The following ANKS1B variants were observed in gnomAD, a reference collection of about 807,000 sequenced individuals.
ANKS1B encodes the protein ankyrin repeat and sterile alpha motif domain containing 1B, also known as ankyrin repeat and sterile alpha motif domain-containing protein 1B.
Under a neutral mutation model 148.3 loss-of-function variants are expected in ANKS1B, and 36 were observed. The ratio of observed to expected loss-of-function variants is 0.24; its 90% CI spans 0.19 to 0.32. The LOEUF is 0.32. Ranked by LOEUF, ANKS1B falls within the 10% of genes least tolerant of loss-of-function variation. The probability of loss-of-function intolerance (pLI) is 1.00; values close to 1 mark genes in which losing one functional copy is unlikely to be tolerated. For synonymous variants in ANKS1B, 542 were observed against 560.8 expected (o/e 0.97, Z 0.47); for missense variants, 1,157 against 1,542.6 (o/e 0.75, Z 4.19).
intron 17 of ANKS1B, among the ~76,000 whole-genome samples, chr12:99,006,560 C>T (rs568421425): frequency 3.9e-5 from 6 of 152,280 alleles, no homozygotes; most frequent in South Asian, 4.1e-4. Flanking sequence ...CAGTCCTATT[C>T]GACAGGCCAG....
At chr12:99,178,474 G>A (rs2153838562) in intron 14 of ANKS1B, among the ~76,000 whole-genome samples, 1 of 152,306 alleles carries the variant, frequency 6.6e-6, no homozygotes, top group Non-Finnish European at 1.5e-5. Flanking sequence ...TGTTGGGGGA[G>A]AGGAATCTGG....
At chr12:99,749,769 T>C (rs1402866132) in intron 8 of ANKS1B, among the ~76,000 whole-genome samples, 1 of 152,038 alleles carries the variant, frequency 6.6e-6, no homozygotes, top group Non-Finnish European at 1.5e-5. Flanking sequence ...AGGGCTATAT[T>C]GGTGACCATC....
At chr12:99,207,160 G>A (rs1040824134) in intron 14 of ANKS1B, among the ~76,000 whole-genome samples, 1 of 152,164 alleles carries the variant, frequency 6.6e-6, no homozygotes, top group Non-Finnish European at 1.5e-5. Flanking sequence ...AGTGCCTTCA[G>A]TTCAAAGTAA....
chr12:99,709,793 A>G (rs1002905009), intron 8 of ANKS1B, among the ~76,000 whole-genome samples: 3 of 152,104 alleles, frequency 2.0e-5, no homozygotes, highest in East Asian at 1.9e-4. Context: ...AATGACTGCA[A>G]AACAGTGTGC....
At chr12:98,948,360 G>A (rs1026630081) in intron 17 of ANKS1B, among the ~76,000 whole-genome samples, 2 of 152,194 alleles carry the variant, frequency 1.3e-5, no homozygotes, top group Admixed American at 6.5e-5. Flanking sequence ...TTTATCTCTA[G>A]TTTAAAACCA....
chr12:99,063,543 A>T (rs2043120220), intron 16 of ANKS1B, among the ~76,000 whole-genome samples: 1 of 152,226 alleles, frequency 6.6e-6, no homozygotes, highest in Non-Finnish European at 1.5e-5. Context: ...GGCCCCAGAA[A>T]AAAGTCTACC....
At chr12:99,438,822 C>A (rs564842851) in intron 11 of ANKS1B, among the ~76,000 whole-genome samples, 1 of 151,648 alleles carries the variant, frequency 6.6e-6, no homozygotes, top group South Asian at 2.1e-4. Context: ...GGGAACAAGG[C>A]AATAATTCTT....
chr12:99,260,142 T>C (rs2075767666), intron 12 of ANKS1B, among the ~76,000 whole-genome samples: 1 of 152,158 alleles, frequency 6.6e-6, no homozygotes, highest in East Asian at 1.9e-4. Flanking sequence ...CTTATTTTAA[T>C]AACTTCCCAT....
At chr12:99,004,974 G>A (rs1448816463) in intron 17 of ANKS1B, among the ~76,000 whole-genome samples, 1 of 152,122 alleles carries the variant, frequency 6.6e-6, no homozygotes. Flanking sequence ...CTCAATAATT[G>A]CCTGTGCCCT....
intron 25 of ANKS1B, among the ~76,000 whole-genome samples, chr12:98,763,334 T>A (rs1433935589): frequency 2.0e-5 from 3 of 152,222 alleles, no homozygotes; most frequent in Non-Finnish European, 4.4e-5. Context: ...CAGAAATTAG[T>A]CTTCATAGAT....
chr12:99,373,532 G>T (rs570070523), intron 12 of ANKS1B, among the ~76,000 whole-genome samples: 11 of 152,134 alleles, frequency 7.2e-5, no homozygotes, highest in African/African-American at 2.6e-4. Flanking sequence ...CACTTCATGG[G>T]ATATGAATCT....
intron 25 of ANKS1B, among the ~76,000 whole-genome samples, chr12:98,771,011 T>C (rs1174034011): frequency 6.6e-6 from 1 of 152,234 alleles, no homozygotes; most frequent in Non-Finnish European, 1.5e-5. Flanking sequence ...CTCAAGCAAT[T>C]TGTACCACCT....
intron 12 of ANKS1B, among the ~76,000 whole-genome samples, chr12:99,380,709 GT>G (rs1221992285): frequency 6.7e-6 from 1 of 149,902 alleles, no homozygotes; most frequent in Non-Finnish European, 1.5e-5. Context: ...ATTTTGGCTT[GT>G]TTATCAAATT....
chr12:99,204,106 T>A (rs1251049586), intron 14 of ANKS1B, among the ~76,000 whole-genome samples: 1 of 152,236 alleles, frequency 6.6e-6, no homozygotes, highest in Non-Finnish European at 1.5e-5. Flanking sequence ...AAACTCTTAT[T>A]TTGGTAACCT....
chr12:99,748,966 C>G (rs1332494594), intron 8 of ANKS1B, among the ~76,000 whole-genome samples: 2 of 152,070 alleles, frequency 1.3e-5, no homozygotes, highest in South Asian at 4.1e-4. Context: ...GCTGCAACCA[C>G]CCTCAATCAT....
Position 99,373,971 on chromosome 12 carries a change from C to CA in ANKS1B, c.1756+25659dup, listed in dbSNP as rs765131093. 1.8e-4 allele frequency among the ~76,000 whole-genome samples: 28 copies of CA among 151,764 alleles called. 1 individual carries two copies. Among genetic ancestry groups the CA allele is most frequent in the Middle Eastern group, 3.2e-3 (1 of 316 alleles). On this transcript the variant is annotated intron_variant, in intron 12 of 26. Coordinates refer to ENST00000683438, the MANE Select transcript of ANKS1B (RefSeq NM_001352186.2). Reference sequence around the variant, plus strand: ...TTCTTTCATTGAGAAAGTCATGTAACAAAAAAAACACCAGCTGAACTAACC... The same window carrying CA: ...TTCTTTCATTGAGAAAGTCATGTAACAAAAAAAAACACCAGCTGAACTAACC...
chr12:99,410,163 G>A (rs1311321061), intron 11 of ANKS1B, among the ~76,000 whole-genome samples: 1 of 152,180 alleles, frequency 6.6e-6, no homozygotes, highest in African/African-American at 2.4e-5. Context: ...AGTAACACAT[G>A]AAAATTGTAT....
chr12:99,874,230 T>C (rs749901246), intron 1 of ANKS1B, among the ~76,000 whole-genome samples: 3 of 151,958 alleles, frequency 2.0e-5, no homozygotes, highest in South Asian at 2.1e-4. Context: ...GACCATAATA[T>C]AGAATAAATA....
intron 17 of ANKS1B, among the ~76,000 whole-genome samples, chr12:98,964,282 A>C (rs1275168268): frequency 1.3e-5 from 2 of 152,216 alleles, no homozygotes; most frequent in Non-Finnish European, 2.9e-5. Flanking sequence ...GCTTTTATTC[A>C]AAAGACAGGC....
Sources: allele counts gnomAD v4.1 joint callset (sites outside exome capture counted in the v4.1 genomes callset), GRCh38; gene constraint gnomAD v4.1.1; transcripts MANE v1.5; gene names NCBI Gene and HGNC (gene_info 2026-07-23, HGNC 2026-07-21).